Variants in NR2C2 observed in about 807,000 individuals in gnomAD.
NR2C2 encodes nuclear receptor subfamily 2 group C member 2.
A neutral mutation model predicts 62.9 loss-of-function variants in NR2C2; 6 were observed. That is an observed-to-expected ratio of 0.10 (90% confidence interval 0.05 to 0.19). NR2C2 has a LOEUF of 0.19. Ranked by LOEUF, NR2C2 falls within the 10% of genes least tolerant of loss-of-function variation. NR2C2 has a pLI of 1.00. For synonymous variants in NR2C2, 272 were observed against 273.8 expected, an observed-to-expected ratio of 0.99 and a Z score of 0.07; for missense variants, 479 against 762.7, an observed-to-expected ratio of 0.63 and a Z score of 4.38.
chr3:14,965,522 C>CAAAAA (rs545143806), intron 1 of NR2C2, among the ~76,000 whole-genome samples: 13 of 79,642 alleles, frequency 1.6e-4, no homozygotes, highest in Admixed American at 2.9e-4. Flanking sequence ...TTTCCCATGG[C>CAAAAA]AAAAAAAAAA....
chr3:15,018,240 G>T (rs2041566003), intron 4 of NR2C2, among the ~76,000 whole-genome samples: 1 of 152,080 alleles, frequency 6.6e-6, no homozygotes, highest in Admixed American at 6.5e-5. Context: ...CTTGTGATCT[G>T]CCTGCCTTGG....
At position 15,044,866 on chromosome 3, in the gene NR2C2, T is replaced by A. The variant is rs985902597; in HGVS notation, c.*1858T>A. On this transcript the variant is annotated 3_prime_UTR_variant, in exon 14 of 14. Transcript: ENST00000425241. ...GTTAGCAGCACTTTACGCAAGTCAG[T>A]GTTAGTAGGGTAAGTGGGAACAGTG... is the stretch of plus-strand genomic sequence containing the variant. The A allele has an allele frequency of 6.6e-6, 1 of 152,206 alleles. No homozygotes were observed. Among genetic ancestry groups the A allele is most frequent in the Non-Finnish European group, 1.5e-5 (1 of 68,032 alleles). The allele number at this position is 152,206 out of a possible 1,614,324, so 9.4% of individuals were successfully genotyped here.
Position 15,028,507 on chromosome 3 carries a change from C to T in NR2C2, c.799-79C>T, listed in dbSNP as rs999132727. ...CCTCTCCTCGAAGCTGTTTTTGAAC[C>T]AGCATTATAACTTCATTGGCCTGAG... On this transcript the variant is annotated intron_variant, in intron 7 of 13. Transcript: ENST00000425241. The T allele has an allele frequency of 2.1e-6, 3 of 1,420,112 alleles. No homozygotes were observed. The East Asian group carries it at 7.1e-5, about 34-fold the overall frequency. The allele number at this position is 1,420,112 out of a possible 1,614,324, so 88.0% of individuals were successfully genotyped here.
At chr3:15,041,732 C>T (rs921126110) in intron 13 of NR2C2, among the ~76,000 whole-genome samples, 75 of 152,076 alleles carry the variant, frequency 4.9e-4, no homozygotes, top group African/African-American at 1.8e-3. Flanking sequence ...TGGTGTGCAC[C>T]TGTAGTCCCA....
intron 1 of NR2C2, among the ~76,000 whole-genome samples, chr3:14,993,451 TC>T (rs1228412020): frequency 1.4e-5 from 2 of 142,516 alleles, no homozygotes; most frequent in African/African-American, 2.7e-5. Context: ...CAAAACTCCA[TC>T]TCAAAAAAAA....
chr3:15,001,356 CAG>C (rs969122330), intron 1 of NR2C2, among the ~76,000 whole-genome samples: 6 of 106,032 alleles, frequency 5.7e-5, no homozygotes, highest in South Asian at 3.3e-4. Context: ...TTTTTGGAGA[CAG>C]AGTTTCACTC....
chr3:14,979,899 A>G (rs1261143776), intron 1 of NR2C2, among the ~76,000 whole-genome samples: 1 of 152,060 alleles, frequency 6.6e-6, no homozygotes, highest in African/African-American at 2.4e-5. Flanking sequence ...AGAATGACCT[A>G]TCTTTGGGGG....
At chr3:14,959,941 T>C (rs1013612304) in intron 1 of NR2C2, among the ~76,000 whole-genome samples, 3 of 152,230 alleles carry the variant, frequency 2.0e-5, no homozygotes, top group Admixed American at 6.5e-5. Context: ...TTTCCCCATA[T>C]AGATAATCCA....
At chr3:14,961,294 A>T (rs1485730030) in intron 1 of NR2C2, among the ~76,000 whole-genome samples, 1 of 152,242 alleles carries the variant, frequency 6.6e-6, no homozygotes, top group Non-Finnish European at 1.5e-5. Context: ...AGAGTTAAAA[A>T]GCTTCATAGA....
chr3:14,981,623 A>AAAAG lies in NR2C2; in HGVS notation c.-39-22253_-39-22252insAAAG, dbSNP rs1553639444. ...GTCTCAAAAAAAAAAAAAAAAAAAAAGAGTATTGATTCACATGATCACAAG... is the reference window on the plus strand; with the variant it reads ...GTCTCAAAAAAAAAAAAAAAAAAAAAAAAGGAGTATTGATTCACATGATCACAAG... On this transcript the variant is annotated intron_variant, in intron 1 of 13. Coordinates refer to ENST00000425241, the MANE Select transcript of NR2C2 (RefSeq NM_001291694.2). Among the ~76,000 whole-genome samples the AAAAG allele has an allele frequency of 6.1e-4, 85 of 140,388 alleles. 2 individuals are homozygous for AAAAG. Among genetic ancestry groups the AAAAG allele is most frequent in the South Asian group, 1.5e-3 (7 of 4,582 alleles). 92.1% of individuals were successfully genotyped at this position (140,388 alleles called of 152,430 possible). A position where few individuals can be genotyped will look rare whatever the true frequency, so the allele number is the denominator to read the frequency against.
rs188350779 is a variant in NR2C2 at position 14,960,497 on chromosome 3, A to T, written c.-40+12591A>T. Among the ~76,000 whole-genome samples, 3 of 152,306 alleles carry T rather than the reference A, an allele frequency of 2.0e-5. No individual in the cohort carries two copies. In the East Asian group the frequency reaches 5.8e-4, roughly 29 times the overall value. ...CCTCTATTAAATCAGATTGTCATCT[A>T]TAAAATCCACTTTTACTCATAATTT... On this transcript the variant is annotated intron_variant, in intron 1 of 13. Coordinates refer to ENST00000425241, the MANE Select transcript of NR2C2 (RefSeq NM_001291694.2).
intron 13 of NR2C2, chr3:15,042,576 T>G: frequency 2.9e-6 from 1 of 342,328 alleles, no homozygotes. Flanking sequence ...GGTTTTCTCT[T>G]GGTGGTGGGG....
At chr3:14,958,565 G>T (rs894115799) in intron 1 of NR2C2, among the ~76,000 whole-genome samples, 2 of 152,186 alleles carry the variant, frequency 1.3e-5, no homozygotes, top group African/African-American at 2.4e-5. Flanking sequence ...TAACCACTTA[G>T]TGTTAGTTGC....
chr3:15,019,918 T>G (rs906106789), intron 4 of NR2C2, among the ~76,000 whole-genome samples: 1 of 152,170 alleles, frequency 6.6e-6, no homozygotes, highest in Admixed American at 6.5e-5. Context: ...AATGTCCTTA[T>G]TAACAAAGAA....
In NR2C2 at chr3:15,024,102, A is replaced by G. The variant is rs757720867; in HGVS notation, c.705-13A>G. ...GTTGGAAGCTACTCTGAGTTTCTTT[A>G]TGTCTTAAATAGACAAACAGGTCTT... On this transcript the variant is annotated splice_polypyrimidine_tract_variant and intron_variant, in intron 6 of 13. Coordinates refer to ENST00000425241, the MANE Select transcript of NR2C2 (RefSeq NM_001291694.2). The G allele has an allele frequency of 1.0e-5, 16 of 1,589,450 alleles. No individual in the cohort carries two copies. Among genetic ancestry groups the G allele is most frequent in the Non-Finnish European group, 9.5e-6 (11 of 1,159,180 alleles).
chr3:15,032,303 A>AG, intron 9 of NR2C2, 76 bp from the exon 10 acceptor site: 1 of 1,595,890 alleles, frequency 6.3e-7, no homozygotes. Context: ...GAAGCATGAC[A>AG]GGGATACATG....
chr3:15,004,402 GTTA>G (rs551045103), intron 2 of NR2C2, among the ~76,000 whole-genome samples: 36 of 152,272 alleles, frequency 2.4e-4, no homozygotes, highest in African/African-American at 7.9e-4. Context: ...GCCTCACGAA[GTTA>G]TTATGAAGAA....
intron 1 of NR2C2, among the ~76,000 whole-genome samples, chr3:14,971,519 G>A (rs570257822): frequency 2.0e-5 from 3 of 151,764 alleles, no homozygotes; most frequent in Admixed American, 6.5e-5. Flanking sequence ...TGGAATTGCT[G>A]GATCTTAGGT....
chr3:14,974,819 G>A (rs2040154845), intron 1 of NR2C2, among the ~76,000 whole-genome samples: 1 of 152,086 alleles, frequency 6.6e-6, no homozygotes, highest in Admixed American at 6.6e-5. Context: ...GGCCAGGCTG[G>A]TCTTAAACTC....
Sources: allele counts gnomAD v4.1 joint callset (sites outside exome capture counted in the v4.1 genomes callset), GRCh38; gene constraint gnomAD v4.1.1; transcripts MANE v1.5; gene names NCBI Gene and HGNC (gene_info 2026-07-23, HGNC 2026-07-21).